DPH6: variants seen among roughly 807,000 people sequenced by gnomAD.
The protein encoded by DPH6 is diphthamine biosynthesis 6, also known as diphthine--ammonia ligase.
DPH6 carries 33 observed loss-of-function variants against 38.2 expected under a neutral mutation model. The ratio of observed to expected loss-of-function variants is 0.86; its 90% CI spans 0.65 to 1.15. DPH6 has a LOEUF of 1.15. Among genes scored for constraint, DPH6 ranks in the 50% most tolerant of loss-of-function variants. DPH6 has a pLI of 0.00. For missense variants in DPH6, 325 were observed against 320.0 expected (o/e 1.02, Z -0.12); for synonymous variants, 108 against 103.0 (o/e 1.05, Z -0.30).
intron 1 of DPH6, 44 bp from the exon 2 acceptor site, chr15:35,542,551 C>A: frequency 1.4e-6 from 2 of 1,466,962 alleles, no homozygotes; most frequent in South Asian, 1.3e-5. Context: ...TGCTACTGAC[C>A]ATTATTCAAC....
At chr15:35,501,469 A>C (rs2054626728) in intron 3 of DPH6, among the ~76,000 whole-genome samples, 1 of 152,198 alleles carries the variant, frequency 6.6e-6, no homozygotes, top group Non-Finnish European at 1.5e-5. Flanking sequence ...AAAACCACAG[A>C]AAAACTAATT....
At chr15:35,493,371 G>T (rs1418007293) in intron 3 of DPH6, among the ~76,000 whole-genome samples, 1 of 152,106 alleles carries the variant, frequency 6.6e-6, no homozygotes, top group Non-Finnish European at 1.5e-5. Context: ...CTTTACATAT[G>T]CTTGTAATGA....
At chr15:35,472,995 C>T (rs1249178722) in intron 3 of DPH6, among the ~76,000 whole-genome samples, 1 of 151,380 alleles carries the variant, frequency 6.6e-6, no homozygotes, top group Non-Finnish European at 1.5e-5. Context: ...TGAGGGCTAC[C>T]ACCTCAACTT....
At chr15:35,434,483 A>C (rs1021090009) in intron 5 of DPH6, among the ~76,000 whole-genome samples, 5 of 152,232 alleles carry the variant, frequency 3.3e-5, no homozygotes, top group African/African-American at 7.2e-5. Context: ...AGAAAAATTA[A>C]GAAATAATTA....
intron 3 of DPH6, among the ~76,000 whole-genome samples, chr15:35,261,477 G>A (rs1245221237): frequency 6.6e-6 from 1 of 152,060 alleles, no homozygotes. Flanking sequence ...TATGGTAGAA[G>A]TGCTTAGGTT....
intron 3 of DPH6, among the ~76,000 whole-genome samples, chr15:35,331,409 T>A (rs1042986956): frequency 6.6e-6 from 1 of 152,188 alleles, no homozygotes; most frequent in African/African-American, 2.4e-5. Context: ...CCGAAACAGA[T>A]AAATCATGCT....
At chr15:35,449,340 A>G (rs916896519) in intron 5 of DPH6, among the ~76,000 whole-genome samples, 3 of 152,084 alleles carry the variant, frequency 2.0e-5, no homozygotes, top group African/African-American at 4.8e-5. Flanking sequence ...TAATCCCTAC[A>G]GAGAGGCACA....
At chr15:35,175,334 C>T in the DPH6 span, among the ~76,000 whole-genome samples, 1 of 152,194 alleles carries the variant, frequency 6.6e-6, no homozygotes, top group African/African-American at 2.4e-5. Context: ...AGGTTACAGG[C>T]ACTTTATTTC....
At chr15:35,168,450 C>T in the DPH6 span, among the ~76,000 whole-genome samples, 1 of 152,062 alleles carries the variant, frequency 6.6e-6, no homozygotes, top group East Asian at 1.9e-4. Flanking sequence ...TAATTTAATG[C>T]TGCCTCTAAA....
intron 3 of DPH6, among the ~76,000 whole-genome samples, chr15:35,502,949 C>T (rs971911571): frequency 4.7e-5 from 7 of 148,028 alleles, no homozygotes; most frequent in Admixed American, 1.4e-4. Context: ...TATATATACA[C>T]ACACACATAC....
chr15:35,350,365 A>G (rs1232682655), intron 3 of DPH6, among the ~76,000 whole-genome samples: 19 of 114,448 alleles, frequency 1.7e-4, no homozygotes, highest in Non-Finnish European at 2.9e-4. Context: ...TGTTGCTTTT[A>G]TTGATCTTTT....
chr15:35,486,338 C>T (rs151189829), intron 3 of DPH6, among the ~76,000 whole-genome samples: 154 of 151,686 alleles, frequency 1.0e-3, no homozygotes, highest in African/African-American at 3.4e-3. Flanking sequence ...TTTTGGGTGG[C>T]GACACAGCCA....
chr15:35,396,698 T>C (rs1476843652), intron 6 of DPH6, among the ~76,000 whole-genome samples: 1 of 152,206 alleles, frequency 6.6e-6, no homozygotes, highest in Non-Finnish European at 1.5e-5. Context: ...ATAATAGCCA[T>C]TGGATGTCTC....
the DPH6 span, among the ~76,000 whole-genome samples, chr15:35,203,802 C>T: frequency 9.9e-5 from 15 of 151,804 alleles, no homozygotes; most frequent in East Asian, 2.3e-3. Context: ...TAGGAAAGCA[C>T]TGACAATGCA....
At chr15:35,183,338 C>G in the DPH6 span, among the ~76,000 whole-genome samples, 4 of 152,180 alleles carry the variant, frequency 2.6e-5, no homozygotes, top group Admixed American at 6.5e-5. Context: ...TGAGTTAGTT[C>G]TACAGCACAA....
intron 3 of DPH6, among the ~76,000 whole-genome samples, chr15:35,497,231 G>A (rs1273580639): frequency 6.6e-6 from 1 of 152,110 alleles, no homozygotes; most frequent in Non-Finnish European, 1.5e-5. Context: ...TACATTCTTA[G>A]AAATGGTCAT....
chr15:35,299,365 G>C (rs1031765115), intron 3 of DPH6: 17 of 943,526 alleles, frequency 1.8e-5, no homozygotes, highest in Non-Finnish European at 2.8e-5. Flanking sequence ...CTGAAGCTGA[G>C]ACTGTAGAAG....
intron 3 of DPH6, among the ~76,000 whole-genome samples, chr15:35,304,666 C>T (rs930365966): frequency 6.6e-6 from 1 of 151,928 alleles, no homozygotes; most frequent in Non-Finnish European, 1.5e-5. Flanking sequence ...AGCATTACTC[C>T]TGATGTTCCA....
chr15:35,387,166 A>G (rs1394246636), intron 6 of DPH6, among the ~76,000 whole-genome samples: 2 of 152,052 alleles, frequency 1.3e-5, no homozygotes, highest in African/African-American at 2.4e-5. Context: ...ATGCGGCATT[A>G]TATCTGAGGT....
Sources: gnomAD v4.1 joint callset for allele counts (sites outside exome capture counted in the v4.1 genomes callset) on GRCh38, gnomAD v4.1.1 for gene constraint, MANE v1.5 for transcripts, NCBI Gene and HGNC (gene_info 2026-07-23, HGNC 2026-07-21) for gene names.